SMPDL3B: variants seen among roughly 807,000 people sequenced by gnomAD.
SMPDL3B encodes the protein acid sphingomyelinase-like phosphodiesterase 3b.
In SMPDL3B, 31 loss-of-function variants were observed where a neutral mutation model predicts 37.9. The observed-to-expected ratio is 0.82, with a 90% CI of 0.61 to 1.10. The LOEUF is 1.10. Among genes scored for constraint, SMPDL3B ranks in the 50% least tolerant of loss-of-function variants. The probability of loss-of-function intolerance (pLI) is 0.00; values close to 1 mark genes in which losing one functional copy is unlikely to be tolerated. For missense variants in SMPDL3B, 525 were observed against 597.8 expected (o/e 0.88, Z 1.27); for synonymous variants, 235 against 242.6 (o/e 0.97, Z 0.29).
At chr1:27,937,406 C>CTAT (rs1174717666) in intron 1 of SMPDL3B, among the ~76,000 whole-genome samples, 2 of 152,238 alleles carry the variant, frequency 1.3e-5, no homozygotes, top group Non-Finnish European at 2.9e-5. Context: ...ACCTCTGGAG[C>CTAT]TATTGTGAAC....
Position 27,954,398 on chromosome 1 carries a change from C to T in SMPDL3B, c.562C>T (p.Arg188Ter), listed in dbSNP as rs1348730661. The T allele has an allele frequency of 2.5e-6, 4 of 1,613,922 alleles. No homozygotes were observed. Among genetic ancestry groups the T allele is most frequent in the African/African-American group, 1.3e-5 (1 of 74,918 alleles). The change falls in exon 5 of 8, where the codon CGA (arginine) becomes TGA (stop). Residue 188 changes from arginine (R) to a stop codon, truncating the protein, a stop_gained. Coordinates refer to ENST00000373894, the MANE Select transcript of SMPDL3B (RefSeq NM_014474.4). LOFTEE classifies it high-confidence loss of function. Reference sequence around the variant, plus strand: ...GCTGCCGGGTCCCAGCGGGGCTGGGCGAATTGTGGTCCTCAACACCAATCT... The same window carrying T: ...GCTGCCGGGTCCCAGCGGGGCTGGGTGAATTGTGGTCCTCAACACCAATCT... ...EKLPGPSGAG[R>*]IVVLNTNLYY...
chr1:27,957,412 T>A (rs761422162), intron 7 of SMPDL3B, among the ~76,000 whole-genome samples: 3 of 152,076 alleles, frequency 2.0e-5, no homozygotes, highest in Non-Finnish European at 4.4e-5. Context: ...ATTACTGAGA[T>A]AAGTGGCAGG....
intron 1 of SMPDL3B, chr1:27,942,214 T>G (rs775808107): frequency 6.7e-6 from 3 of 450,862 alleles, no homozygotes; most frequent in Non-Finnish European, 1.4e-5. Context: ...GCTCAGTGTT[T>G]GTAGTTAACT....
chr1:27,954,374 C>T lies in SMPDL3B; in HGVS notation c.538C>T (p.Leu180=). 6.2e-7 allele frequency: 1 copy of T among 1,614,004 alleles called. No individual in the cohort carries two copies. Among genetic ancestry groups the T allele is most frequent in the Non-Finnish European group, 8.5e-7 (1 of 1,179,962 alleles). Residue 180 remains leucine, a synonymous_variant, in exon 5 of 8, where the codon CTG becomes TTG. Coordinates refer to ENST00000373894, the MANE Select transcript of SMPDL3B (RefSeq NM_014474.4). ...FKKGAFYCEK[L]PGPSGAGRIV... is the part of the protein sequence containing the mutation. ...GACAGGTGCCTTCTACTGTGAGAAG[C>T]TGCCGGGTCCCAGCGGGGCTGGGCG...
rs753870251 is a variant in SMPDL3B at position 27,955,963 on chromosome 1, G to A, written c.886G>A (p.Ala296Thr). The A allele has an allele frequency of 2.2e-5, 35 of 1,613,782 alleles. No individual in the cohort carries two copies. The South Asian group carries it at 2.2e-4, about 10-fold the overall frequency. The change falls in exon 7 of 8, where the codon GCC becomes ACC. Residue 296 changes from alanine (A) to threonine (T), a missense_variant. Transcript: ENST00000373894. ...TCTCCTGACAGGTGTCCCCATAAGC[G>A]CCATGTTCATCACACCTGGAGTCAC... ...LYDDAGVPIS[A>T]MFITPGVTPW...
intron 2 of SMPDL3B, among the ~76,000 whole-genome samples, chr1:27,946,797 C>T (rs1038746996): frequency 1.2e-4 from 18 of 152,148 alleles, no homozygotes; most frequent in African/African-American, 4.1e-4. Flanking sequence ...AGGAAGGACC[C>T]TCAGATGAAC....
At position 27,941,270 on chromosome 1, in the gene SMPDL3B, G is replaced by C. The variant is rs1472324708; in HGVS notation, c.62-3962G>C. Among the ~76,000 whole-genome samples, 2 of 152,190 alleles carry C rather than the reference G, an allele frequency of 1.3e-5. 1 individual carries two copies. Among genetic ancestry groups the C allele is most frequent in the Non-Finnish European group, 2.9e-5 (2 of 68,032 alleles). On this transcript the variant is annotated intron_variant, in intron 1 of 7. Transcript: ENST00000373894. ...CTCAGCTTTGGGGTCAGAGAGGTCT[G>C]GGTTTGAGCCTTAGTTTGCTTATCT...
chr1:27,949,373 A>G (rs2090436618), intron 3 of SMPDL3B, among the ~76,000 whole-genome samples: 1 of 152,110 alleles, frequency 6.6e-6, no homozygotes, highest in African/African-American at 2.4e-5. Context: ...TACACACAGA[A>G]TCCTATCAAA....
At chr1:27,942,157 G>T (rs144640008) in intron 1 of SMPDL3B, 1 of 379,930 alleles carries the variant, frequency 2.6e-6, no homozygotes, top group Admixed American at 3.6e-5. Context: ...CTGGAGTGGA[G>T]AAATGTTCCT....
intron 6 of SMPDL3B, 31 bp downstream of exon 6, chr1:27,955,895 C>T: frequency 6.2e-7 from 1 of 1,611,486 alleles, no homozygotes; most frequent in Non-Finnish European, 8.5e-7. Context: ...CTGCCAGCTC[C>T]CTCCCTCCTT....
At chr1:27,940,625 A>G (rs1243471510) in intron 1 of SMPDL3B, among the ~76,000 whole-genome samples, 1 of 152,158 alleles carries the variant, frequency 6.6e-6, no homozygotes, top group African/African-American at 2.4e-5. Flanking sequence ...CACTGTACTC[A>G]ATACCAAATT....
intron 3 of SMPDL3B, among the ~76,000 whole-genome samples, chr1:27,951,408 A>C (rs1184934573): frequency 6.6e-6 from 1 of 152,168 alleles, no homozygotes; most frequent in Non-Finnish European, 1.5e-5. Context: ...AGAGGAAGGG[A>C]CTGAAACTCG....
rs552878051 is a variant in SMPDL3B, at chr1:27,955,575, A to T, written c.691-109A>T. 6 of 1,075,278 alleles carry T rather than the reference A, an allele frequency of 5.6e-6. No individual in the cohort carries two copies. In the African/African-American group the frequency reaches 7.8e-5, roughly 14 times the overall value. The allele number at this position is 1,075,278 out of a possible 1,614,324, so 66.6% of individuals were successfully genotyped here. A position where few individuals can be genotyped will look rare whatever the true frequency, so the allele number is the denominator to read the frequency against. Reference sequence around the variant, plus strand: ...CGGGAGGCCTTCAGGGAGGAGATACATTTGGGCCTGTCTACCTGCCTTTGG... The same window carrying T: ...CGGGAGGCCTTCAGGGAGGAGATACTTTTGGGCCTGTCTACCTGCCTTTGG... On this transcript the variant is annotated intron_variant, in intron 5 of 7. Transcript: ENST00000373894.
chr1:27,942,605 A>G (rs2090369879), intron 1 of SMPDL3B, among the ~76,000 whole-genome samples: 1 of 151,994 alleles, frequency 6.6e-6, no homozygotes, highest in Non-Finnish European at 1.5e-5. Context: ...CAGCTTCCCA[A>G]GTAGCTGTAG....
At chr1:27,944,952 G>A (rs1050338660) in intron 1 of SMPDL3B, among the ~76,000 whole-genome samples, 1 of 152,158 alleles carries the variant, frequency 6.6e-6, no homozygotes, top group African/African-American at 2.4e-5. Context: ...TAGAATGCCT[G>A]AGCTCTAATG....
chr1:27,953,608 G>A (rs1332559028), intron 4 of SMPDL3B, among the ~76,000 whole-genome samples: 2 of 152,278 alleles, frequency 1.3e-5, no homozygotes, highest in East Asian at 1.9e-4. Context: ...TACTGTGTGC[G>A]AGGCACTGCC....
At chr1:27,941,464 G>A (rs764430093) in intron 1 of SMPDL3B, 10 of 152,228 alleles carry the variant, frequency 6.6e-5, no homozygotes, top group African/African-American at 1.7e-4. Flanking sequence ...CGTCTTCCAC[G>A]TCCCAGGCAC....
At chr1:27,935,401 T>C (rs966623124) in intron 1 of SMPDL3B, among the ~76,000 whole-genome samples, 157 bp downstream of exon 1, 1 of 152,112 alleles carries the variant, frequency 6.6e-6, no homozygotes, top group Non-Finnish European at 1.5e-5. Context: ...CCTTAGCAAG[T>C]GCTGTTTGAG....
chr1:27,948,321 G>A (rs1012911471), intron 2 of SMPDL3B, among the ~76,000 whole-genome samples: 4 of 152,160 alleles, frequency 2.6e-5, no homozygotes, highest in Admixed American at 6.5e-5. Flanking sequence ...AAAGTCAGCC[G>A]GTGTGAGCTT....
Sources: gnomAD v4.1 joint callset for allele counts (sites outside exome capture counted in the v4.1 genomes callset) on GRCh38, gnomAD v4.1.1 for gene constraint, MANE v1.5 for transcripts, NCBI Gene and HGNC (gene_info 2026-07-23, HGNC 2026-07-21) for gene names.